Variants in MALRD1 observed in about 807,000 individuals in gnomAD.
MALRD1 encodes the protein MAM and LDL-receptor class A domain-containing protein 1.
Under a neutral mutation model 242.1 loss-of-function variants are expected in MALRD1, and 247 were observed. That is an observed-to-expected ratio of 1.02 (90% CI 0.92 to 1.13). The LOEUF (loss-of-function observed/expected upper bound fraction) is 1.13, where lower values mean the gene tolerates loss of function less well. MALRD1 is among the 50% of genes most tolerant of loss of function. The probability of loss-of-function intolerance (pLI) is 0.00; values close to 1 mark genes in which losing one functional copy is unlikely to be tolerated. For synonymous variants in MALRD1, 995 were observed against 866.6 expected (o/e 1.15, Z -2.60); for missense variants, 2,989 against 2,533.1 (o/e 1.18, Z -3.86).
intron 36 of MALRD1, among the ~76,000 whole-genome samples, chr10:19,665,145 A>C (rs116521524): frequency 6.6e-6 from 1 of 152,166 alleles, no homozygotes; most frequent in African/African-American, 2.4e-5. Flanking sequence ...GTATACATGT[A>C]GGAGAGCTCC....
chr10:19,333,189 T>G (rs1005529638), intron 24 of MALRD1, among the ~76,000 whole-genome samples: 5 of 152,144 alleles, frequency 3.3e-5, no homozygotes, highest in African/African-American at 9.7e-5. Flanking sequence ...GTGGTACATT[T>G]GCAGGTTTCT....
chr10:19,293,517 CT>C (rs1841547849), intron 21 of MALRD1, among the ~76,000 whole-genome samples: 1 of 152,224 alleles, frequency 6.6e-6, no homozygotes, highest in Admixed American at 6.5e-5. Flanking sequence ...AATTAAATCA[CT>C]TTAATTTTGA....
At chr10:19,374,833 T>G (rs1845531796) in intron 26 of MALRD1, among the ~76,000 whole-genome samples, 1 of 152,138 alleles carries the variant, frequency 6.6e-6, no homozygotes, top group Non-Finnish European at 1.5e-5. Flanking sequence ...GGGGATTATA[T>G]GATATTAGCC....
intron 24 of MALRD1, among the ~76,000 whole-genome samples, chr10:19,344,029 G>C (rs1031185544): frequency 6.6e-6 from 1 of 151,934 alleles, no homozygotes; most frequent in African/African-American, 2.4e-5. Flanking sequence ...GTTGAGTTTT[G>C]AGAGTTCTTT....
intron 36 of MALRD1, among the ~76,000 whole-genome samples, chr10:19,676,630 A>G (rs531931961): frequency 6.6e-6 from 1 of 152,228 alleles, no homozygotes; most frequent in South Asian, 2.1e-4. Context: ...TACATTTATA[A>G]TGTCTTCTAA....
At chr10:19,640,634 T>C (rs555979535) in intron 36 of MALRD1, among the ~76,000 whole-genome samples, 19 of 152,338 alleles carry the variant, frequency 1.2e-4, no homozygotes, top group South Asian at 6.2e-4. Flanking sequence ...CACTAGACTA[T>C]TTTGGAAAAT....
chr10:19,455,713 C>T (rs182867399), intron 29 of MALRD1, among the ~76,000 whole-genome samples: 1 of 152,274 alleles, frequency 6.6e-6, no homozygotes, highest in East Asian at 1.9e-4. Flanking sequence ...CTTTTTACAT[C>T]ACATTTAGAA....
chr10:19,266,676 A>G (rs1340929155), intron 19 of MALRD1, among the ~76,000 whole-genome samples: 2 of 152,008 alleles, frequency 1.3e-5, no homozygotes, highest in Non-Finnish European at 2.9e-5. Context: ...TAACTATAGC[A>G]TCAGTAATTT....
chr10:19,239,066 T>G (rs1347893301), intron 18 of MALRD1, among the ~76,000 whole-genome samples: 1 of 149,546 alleles, frequency 6.7e-6, no homozygotes, highest in East Asian at 1.9e-4. Context: ...TCCTTTTCTT[T>G]TTTTTTTTTT....
intron 18 of MALRD1, among the ~76,000 whole-genome samples, chr10:19,233,209 A>T (rs941886480): frequency 1.3e-5 from 2 of 152,114 alleles, no homozygotes; most frequent in Non-Finnish European, 2.9e-5. Context: ...TGAGTTAAAA[A>T]CTATTCAATT....
intron 14 of MALRD1, among the ~76,000 whole-genome samples, chr10:19,175,886 T>C (rs978444143): frequency 6.6e-6 from 1 of 152,140 alleles, no homozygotes; most frequent in African/African-American, 2.4e-5. Flanking sequence ...GAATATCAAT[T>C]ACAGGCCAGA....
chr10:19,607,926 T>C, intron 35 of MALRD1, 24 bp downstream of exon 35: 1 of 1,548,312 alleles, frequency 6.5e-7, no homozygotes, highest in Non-Finnish European at 8.7e-7. Flanking sequence ...ATTCAGATAT[T>C]CTTGTGATAT....
chr10:19,182,495 T>A (rs1835553403), intron 14 of MALRD1, among the ~76,000 whole-genome samples: 1 of 151,590 alleles, frequency 6.6e-6, no homozygotes, highest in South Asian at 2.1e-4. Flanking sequence ...CGGCTAATTT[T>A]TTTTTTGTAT....
intron 26 of MALRD1, among the ~76,000 whole-genome samples, chr10:19,386,570 C>T (rs1305149388): frequency 6.6e-6 from 1 of 152,092 alleles, no homozygotes; most frequent in Non-Finnish European, 1.5e-5. Context: ...ATTATGCCTT[C>T]AATATACATT....
chr10:19,305,647 C>T (rs888790342), intron 21 of MALRD1, among the ~76,000 whole-genome samples: 11 of 149,972 alleles, frequency 7.3e-5, no homozygotes, highest in African/African-American at 2.7e-4. Context: ...CTGTATTTAC[C>T]CTGTTAGAGG....
intron 38 of MALRD1, among the ~76,000 whole-genome samples, chr10:19,698,708 A>G (rs964349014): frequency 7.9e-5 from 12 of 152,122 alleles, no homozygotes; most frequent in South Asian, 2.1e-4. Flanking sequence ...ATCTACAAAA[A>G]TCTCCCCGGA....
At chr10:19,359,899 A>G (rs145784333) in intron 26 of MALRD1, among the ~76,000 whole-genome samples, 6 of 152,290 alleles carry the variant, frequency 3.9e-5, no homozygotes, top group African/African-American at 1.4e-4. Flanking sequence ...ACGGATAGAC[A>G]TCACTGGTTT....
chr10:19,605,485 CTTTTTTTTT>C (rs369007691), intron 34 of MALRD1, among the ~76,000 whole-genome samples: 2 of 128,492 alleles, frequency 1.6e-5, no homozygotes, highest in South Asian at 2.5e-4. Flanking sequence ...GTTTTTCTTT[CTTTTTTTTT>C]TTTTTTTTTG....
intron 13 of MALRD1, 75 bp downstream of exon 13, chr10:19,165,885 A>T (rs998279111): frequency 4.6e-6 from 5 of 1,095,162 alleles, no homozygotes; most frequent in East Asian, 6.4e-5. Context: ...TAACAATATA[A>T]CACACATAGC....
Sources: gnomAD v4.1 joint callset for allele counts (sites outside exome capture counted in the v4.1 genomes callset) on GRCh38, gnomAD v4.1.1 for gene constraint, MANE v1.5 for transcripts, NCBI Gene and HGNC (gene_info 2026-07-23, HGNC 2026-07-21) for gene names.